Variants in SLC25A21 observed in about 807,000 individuals in gnomAD.
The protein encoded by SLC25A21 is mitochondrial 2-oxodicarboxylate carrier.
Under a neutral mutation model 43.8 loss-of-function variants are expected in SLC25A21, and 47 were observed. The ratio of observed to expected loss-of-function variants is 1.07; its 90% CI spans 0.85 to 1.37. The LOEUF is 1.37. Among genes scored for constraint, SLC25A21 ranks in the 40% most tolerant of loss-of-function variants. The pLI is 0.00. For missense variants in SLC25A21, 352 were observed against 350.2 expected, an observed-to-expected ratio of 1.00 and a Z score of -0.04; for synonymous variants, 131 against 121.3, an observed-to-expected ratio of 1.08 and a Z score of -0.52.
intron 1 of SLC25A21, among the ~76,000 whole-genome samples, chr14:36,998,544 A>G (rs1475177510): frequency 6.6e-6 from 1 of 152,198 alleles, no homozygotes; most frequent in Non-Finnish European, 1.5e-5. Context: ...AATATCTAGG[A>G]AACTCTAAGC....
intron 2 of SLC25A21, among the ~76,000 whole-genome samples, chr14:36,821,075 T>C (rs892293786): frequency 6.6e-5 from 10 of 152,238 alleles, no homozygotes; most frequent in Admixed American, 4.6e-4. Context: ...TGGTTGAGCA[T>C]AGCCAAAGTC....
At chr14:36,739,680 A>AT (rs1885174720) in intron 3 of SLC25A21, among the ~76,000 whole-genome samples, 1 of 119,498 alleles carries the variant, frequency 8.4e-6, no homozygotes. Context: ...CTGTCTAAAA[A>AT]AAAAGAAAAA....
At chr14:37,039,408 A>G (rs1409109433) in intron 1 of SLC25A21, among the ~76,000 whole-genome samples, 3 of 152,178 alleles carry the variant, frequency 2.0e-5, no homozygotes, top group African/African-American at 2.4e-5. Context: ...CATTCCCTTT[A>G]GTACATCCCA....
At chr14:36,853,170 AATGAT>A (rs2138518490) in intron 2 of SLC25A21, among the ~76,000 whole-genome samples, 1 of 152,356 alleles carries the variant, frequency 6.6e-6, no homozygotes, top group South Asian at 2.1e-4. Flanking sequence ...TGAAGACTGT[AATGAT>A]AAGATATGAA....
intron 1 of SLC25A21, among the ~76,000 whole-genome samples, chr14:37,082,562 T>C (rs1375680920): frequency 6.6e-6 from 1 of 152,186 alleles, no homozygotes; most frequent in Non-Finnish European, 1.5e-5. Context: ...TACCTGATGG[T>C]TATGAAGAAT....
At chr14:36,762,050 G>A (rs1262058245) in intron 3 of SLC25A21, among the ~76,000 whole-genome samples, 1 of 152,178 alleles carries the variant, frequency 6.6e-6, no homozygotes, top group Non-Finnish European at 1.5e-5. Flanking sequence ...TCAATCATAT[G>A]ACTTATTTGC....
intron 1 of SLC25A21, among the ~76,000 whole-genome samples, chr14:36,979,384 C>A (rs1056651506): frequency 1.4e-4 from 20 of 144,682 alleles, no homozygotes; most frequent in African/African-American, 5.0e-4. Context: ...GAGATGAAGT[C>A]TTGCTCTGTC....
At chr14:36,818,254 C>T (rs1418904693) in intron 2 of SLC25A21, among the ~76,000 whole-genome samples, 3 of 152,142 alleles carry the variant, frequency 2.0e-5, no homozygotes, top group Non-Finnish European at 4.4e-5. Flanking sequence ...GAAAGACTAT[C>T]TTGGAGCTAC....
At chr14:36,853,755 G>T (rs567491958) in intron 2 of SLC25A21, among the ~76,000 whole-genome samples, 1 of 152,176 alleles carries the variant, frequency 6.6e-6, no homozygotes, top group Non-Finnish European at 1.5e-5. Context: ...TTAATGGTCT[G>T]ACCCCTGGGA....
At chr14:37,079,899 G>T (rs927285548) in intron 1 of SLC25A21, among the ~76,000 whole-genome samples, 2 of 152,154 alleles carry the variant, frequency 1.3e-5, no homozygotes, top group Non-Finnish European at 2.9e-5. Flanking sequence ...TGTGGTAGGG[G>T]ATTAGCTCAC....
chr14:36,763,435 G>C (rs1000238546), intron 3 of SLC25A21, among the ~76,000 whole-genome samples: 5 of 152,306 alleles, frequency 3.3e-5, no homozygotes, highest in Middle Eastern at 6.8e-3. Context: ...CTGGGAGGGA[G>C]AGGATATTAC....
At chr14:37,022,941 G>T (rs10135987) in intron 1 of SLC25A21, among the ~76,000 whole-genome samples, 8,118 of 152,016 alleles carry the variant, frequency 0.053, 699 homozygotes, top group African/African-American at 0.19. Flanking sequence ...ACTGAAGGAG[G>T]TTTTAGGAGA....
At chr14:37,029,548 G>A (rs1385753204) in intron 1 of SLC25A21, among the ~76,000 whole-genome samples, 1 of 152,044 alleles carries the variant, frequency 6.6e-6, no homozygotes, top group Non-Finnish European at 1.5e-5. Context: ...GTTTTCAGCA[G>A]CCATGTTTCC....
chr14:36,770,903 C>T (rs1171160074), intron 3 of SLC25A21, among the ~76,000 whole-genome samples: 2 of 152,130 alleles, frequency 1.3e-5, no homozygotes, highest in South Asian at 2.1e-4. Flanking sequence ...TTTATTTAGA[C>T]GTTGTTTAAC....
At chr14:37,046,937 A>G (rs910420543) in intron 1 of SLC25A21, among the ~76,000 whole-genome samples, 4 of 152,158 alleles carry the variant, frequency 2.6e-5, no homozygotes, top group Admixed American at 6.5e-5. Flanking sequence ...TTAAATACAA[A>G]CCAAACAGGA....
chr14:37,085,537 C>T (rs1962467731), intron 1 of SLC25A21, among the ~76,000 whole-genome samples: 1 of 152,158 alleles, frequency 6.6e-6, no homozygotes, highest in African/African-American at 2.4e-5. Context: ...ATCCTCTCAG[C>T]AGAGTATTTC....
At chr14:37,031,235 TCAAA>T (rs1961203999) in intron 1 of SLC25A21, among the ~76,000 whole-genome samples, 1 of 152,194 alleles carries the variant, frequency 6.6e-6, no homozygotes, top group African/African-American at 2.4e-5. Context: ...TCAACAGTGT[TCAAA>T]CAATCACACA....
chr14:36,958,701 A>G (rs1168989301), intron 1 of SLC25A21, among the ~76,000 whole-genome samples: 1 of 151,936 alleles, frequency 6.6e-6, no homozygotes, highest in Non-Finnish European at 1.5e-5. Context: ...ACACACACAC[A>G]CACACACACA....
intron 2 of SLC25A21, among the ~76,000 whole-genome samples, chr14:36,862,490 T>C (rs1890096175): frequency 6.6e-6 from 1 of 152,192 alleles, no homozygotes; most frequent in South Asian, 2.1e-4. Flanking sequence ...ACCATCATTC[T>C]CAGCAAACTA....
Sources: allele counts gnomAD v4.1 joint callset (sites outside exome capture counted in the v4.1 genomes callset), GRCh38; gene constraint gnomAD v4.1.1; transcripts MANE v1.5; gene names NCBI Gene and HGNC (gene_info 2026-07-23, HGNC 2026-07-21).